The following CA10 variants were observed in gnomAD, a reference collection of about 807,000 sequenced individuals.
CA10 encodes carbonic anhydrase-related protein 10.
A neutral mutation model predicts 44.2 loss-of-function variants in CA10; 14 were observed. The observed-to-expected ratio is 0.32, with a 90% confidence interval of 0.21 to 0.50. The LOEUF is 0.50. CA10 is among the 20% of genes least tolerant of loss of function. The probability of loss-of-function intolerance (pLI) is 0.99; values close to 1 mark genes in which losing one functional copy is unlikely to be tolerated. For synonymous variants in CA10, 159 were observed against 141.6 expected (o/e 1.12, Z -0.87); for missense variants, 350 against 409.7 (o/e 0.85, Z 1.26).
intron 2 of CA10, among the ~76,000 whole-genome samples, chr17:52,050,678 C>G (rs1450505470): frequency 1.3e-5 from 2 of 152,022 alleles, no homozygotes; most frequent in African/African-American, 4.8e-5. Context: ...CAAGGACTTC[C>G]AAGGTTTGTG....
At chr17:51,799,718 T>C (rs904398276) in intron 3 of CA10, among the ~76,000 whole-genome samples, 2 of 152,204 alleles carry the variant, frequency 1.3e-5, no homozygotes, top group African/African-American at 4.8e-5. Context: ...CTGAGTATAT[T>C]ATCCAAAGAA....
intron 4 of CA10, among the ~76,000 whole-genome samples, chr17:51,717,656 C>CATGTATATATGCACATATGT (rs1442552331): frequency 4.7e-4 from 12 of 25,662 alleles, no homozygotes; most frequent in Non-Finnish European, 8.4e-4. Context: ...TACATATATA[C>CATGTATATATGCACATATGT]GTATATATAC....
intron 4 of CA10, among the ~76,000 whole-genome samples, chr17:51,659,523 A>G (rs1913922670): frequency 6.6e-6 from 1 of 152,198 alleles, no homozygotes; most frequent in Non-Finnish European, 1.5e-5. Context: ...AAAATTCAAA[A>G]TACTTTGCAA....
At chr17:51,866,276 T>C (rs1979542548) in intron 3 of CA10, among the ~76,000 whole-genome samples, 1 of 152,176 alleles carries the variant, frequency 6.6e-6, no homozygotes, top group Non-Finnish European at 1.5e-5. Context: ...GGAAGAAGAC[T>C]CTGAAAATAG....
chr17:51,719,347 C>A (rs933925900), intron 4 of CA10, among the ~76,000 whole-genome samples: 1 of 152,114 alleles, frequency 6.6e-6, no homozygotes, highest in South Asian at 2.1e-4. Flanking sequence ...CTAGGTGACA[C>A]CTGAGGTTCG....
intron 2 of CA10, among the ~76,000 whole-genome samples, chr17:51,979,778 A>C (rs1422059597): frequency 6.6e-6 from 1 of 152,060 alleles, no homozygotes; most frequent in Non-Finnish European, 1.5e-5. Flanking sequence ...ATTTTCTGTT[A>C]CTGCTATTGT....
At chr17:51,637,837 G>A (rs965790999) in intron 6 of CA10, among the ~76,000 whole-genome samples, 1 of 152,234 alleles carries the variant, frequency 6.6e-6, no homozygotes, top group Non-Finnish European at 1.5e-5. Flanking sequence ...TTCATTCAAC[G>A]ATTATTCACT....
At chr17:52,064,961 A>G (rs1334768382) in intron 2 of CA10, among the ~76,000 whole-genome samples, 2 of 152,124 alleles carry the variant, frequency 1.3e-5, no homozygotes, top group Non-Finnish European at 2.9e-5. Context: ...AAAACTATCT[A>G]TTGTCCTTTA....
chr17:51,971,402 T>C (rs1158149767), intron 2 of CA10, among the ~76,000 whole-genome samples: 4 of 152,142 alleles, frequency 2.6e-5, no homozygotes, highest in Non-Finnish European at 5.9e-5. Context: ...TTGGGCATGA[T>C]AAATCAAAAC....
intron 3 of CA10, among the ~76,000 whole-genome samples, chr17:51,892,029 A>G (rs1261690663): frequency 6.6e-6 from 1 of 152,270 alleles, no homozygotes; most frequent in African/African-American, 2.4e-5. Context: ...TTGAGTAGCT[A>G]GTTCATGGCA....
intron 3 of CA10, among the ~76,000 whole-genome samples, chr17:51,757,730 C>G (rs1370371830): frequency 6.6e-6 from 1 of 152,186 alleles, no homozygotes; most frequent in East Asian, 1.9e-4. Flanking sequence ...TATCTAGATA[C>G]TGGGCTCTTC....
intron 3 of CA10, 46 bp downstream of exon 3, chr17:51,930,944 A>G: frequency 1.9e-6 from 3 of 1,606,700 alleles, no homozygotes; most frequent in Non-Finnish European, 2.6e-6. Context: ...CAGAATCAAG[A>G]TGGCCCCATC....
At chr17:51,839,572 T>TA (rs924266522) in intron 3 of CA10, among the ~76,000 whole-genome samples, 2 of 105,578 alleles carry the variant, frequency 1.9e-5, no homozygotes, top group East Asian at 2.8e-4. Context: ...AGAAATGAAG[T>TA]AAAAAATTCA....
intron 1 of CA10, among the ~76,000 whole-genome samples, chr17:52,152,138 C>T (rs1439043770): frequency 6.6e-6 from 1 of 152,030 alleles, no homozygotes; most frequent in African/African-American, 2.4e-5. Flanking sequence ...ACTCAACTGT[C>T]TACAATCTCA....
chr17:51,885,762 T>G (rs1327670198), intron 3 of CA10, among the ~76,000 whole-genome samples: 2 of 152,238 alleles, frequency 1.3e-5, no homozygotes, highest in Non-Finnish European at 2.9e-5. Context: ...CATTTTTCCT[T>G]CAGTCCAACC....
At chr17:52,036,081 A>C (rs1227618147) in intron 2 of CA10, among the ~76,000 whole-genome samples, 3 of 152,084 alleles carry the variant, frequency 2.0e-5, no homozygotes, top group African/African-American at 7.2e-5. Flanking sequence ...GGGCCTGAGA[A>C]TTTGCATTTC....
chr17:51,737,263 G>A (rs1916942870), intron 4 of CA10, among the ~76,000 whole-genome samples: 1 of 152,112 alleles, frequency 6.6e-6, no homozygotes, highest in East Asian at 1.9e-4. Context: ...TAGCTCAAAA[G>A]CTTATTGTGA....
intron 2 of CA10, among the ~76,000 whole-genome samples, chr17:52,061,539 A>C (rs1195226013): frequency 6.6e-6 from 1 of 152,110 alleles, no homozygotes; most frequent in African/African-American, 2.4e-5. Flanking sequence ...TCTCATCTTA[A>C]ATTGTAATTA....
rs375126312 is a variant in CA10, at chr17:51,633,488, G to A, written c.952C>T (p.Leu318Phe). 5.6e-5 allele frequency: 91 copies of A among 1,613,378 alleles called. No homozygotes were observed. The highest frequency in any genetic ancestry group is 7.6e-5 in the Non-Finnish European group (90 of 1,179,684). ...CCACCAAACCCACCTCTATACTGAAGCTTCTGGGCTCGGTTGTTTGGACAG... is the reference window on the plus strand; with the variant it reads ...CCACCAAACCCACCTCTATACTGAAACTTCTGGGCTCGGTTGTTTGGACAG... ...KDCPNNRAQK[L>F]QYRVNEWLLK Residue 318 changes from leucine (L) to phenylalanine (F), a missense_variant, in exon 8 of 9, where the codon CTT (leucine) becomes TTT (phenylalanine). Transcript: ENST00000451037.
Sources: gnomAD v4.1 joint callset for allele counts (sites outside exome capture counted in the v4.1 genomes callset) on GRCh38, gnomAD v4.1.1 for gene constraint, MANE v1.5 for transcripts, NCBI Gene and HGNC (gene_info 2026-07-23, HGNC 2026-07-21) for gene names.